Variants in TPST2 observed in about 807,000 individuals in gnomAD.
TPST2 encodes protein-tyrosine sulfotransferase 2.
A neutral mutation model predicts 27.8 loss-of-function variants in TPST2; 16 were observed. The observed-to-expected ratio is 0.58, with a 90% CI of 0.39 to 0.88. TPST2 has a LOEUF of 0.88. Ranked by LOEUF, TPST2 falls within the 40% of genes least tolerant of loss-of-function variation. The pLI is 0.00. For synonymous variants in TPST2, 229 were observed against 231.7 expected (o/e 0.99, Z 0.10); for missense variants, 464 against 543.1 (o/e 0.85, Z 1.45).
rs745544287 is a variant in TPST2, at chr22:26,541,769, C to T, written c.-88-51G>A. On this transcript the variant is annotated intron_variant, in intron 2 of 6. Coordinates refer to ENST00000338754, the MANE Select transcript of TPST2 (RefSeq NM_003595.5). The surrounding 1 kb of genome is among the most constrained non-coding windows in gnomAD (Gnocchi z 5.9). ...GTCAGGGAGGTCTGTGAGCTGTGAG[C>T]TCTCCAATAACTGCAAAGCCCTATA... The T allele has an allele frequency of 2.3e-5, 33 of 1,418,806 alleles. No individual in the cohort carries two copies. The highest frequency in any genetic ancestry group is 2.8e-5 in the Non-Finnish European group (30 of 1,086,748). 87.9% of individuals were successfully genotyped at this position (1,418,806 alleles called of 1,614,324 possible).
intron 1 of TPST2, among the ~76,000 whole-genome samples, chr22:26,576,210 C>T (rs1251289005): frequency 6.6e-6 from 1 of 152,086 alleles, no homozygotes; most frequent in Non-Finnish European, 1.5e-5. Context: ...GGCTCCACCC[C>T]ATATGCCTTG....
In TPST2 at chr22:26,522,900, T is replaced by G. The variant is rs1003995074; in HGVS notation, c.*3375A>C. 1 of 152,202 alleles carries G rather than the reference T, an allele frequency of 6.6e-6. No homozygotes were observed. Among genetic ancestry groups the G allele is most frequent in the African/African-American group, 2.4e-5 (1 of 41,394 alleles). 9.4% of individuals were successfully genotyped at this position (152,202 alleles called of 1,614,324 possible). ...GAGACCAGCCTGGGCAACATAGTGA[T>G]TCCCCTCTTTACAAAAAATAAAAAG... is the stretch of plus-strand genomic sequence containing the variant. On this transcript the variant is annotated 3_prime_UTR_variant, in exon 7 of 7. Coordinates refer to ENST00000338754, the MANE Select transcript of TPST2 (RefSeq NM_003595.5).
intron 1 of TPST2, chr22:26,561,214 T>G: frequency 6.5e-7 from 1 of 1,526,920 alleles, no homozygotes; most frequent in South Asian, 1.3e-5. Context: ...TTAACCCCCC[T>G]GTACACAACT....
rs1241810030 is a variant in TPST2 at position 26,528,360 on chromosome 22, T to G, written c.1093-98A>C. ...CCTCAGCATCACTGAGTCATGCACA[T>G]GCTTATTCACGTAGTATTTACTGTA... On this transcript the variant is annotated intron_variant, in intron 5 of 6. Coordinates refer to ENST00000338754, the MANE Select transcript of TPST2 (RefSeq NM_003595.5). 2.9e-6 allele frequency: 4 copies of G among 1,390,602 alleles called. No homozygotes were observed. The Admixed American group carries it at 5.9e-5, about 21-fold the overall frequency. 86.1% of individuals were successfully genotyped at this position (1,390,602 alleles called of 1,614,324 possible).
At chr22:26,558,036 G>A (rs1467765336) in intron 1 of TPST2, among the ~76,000 whole-genome samples, 1 of 149,472 alleles carries the variant, frequency 6.7e-6, no homozygotes, top group African/African-American at 2.4e-5. Context: ...GACAGAGGGA[G>A]ACTCCGTCTC....
chr22:26,549,725 G>A (rs16986651), intron 1 of TPST2, among the ~76,000 whole-genome samples: 3,420 of 149,460 alleles, frequency 0.023, 141 homozygotes, highest in African/African-American at 0.08. Context: ...AGAATCGGTT[G>A]TTGGAAACAG....
chr22:26,530,744 T>C (rs1925112106), intron 5 of TPST2, among the ~76,000 whole-genome samples: 1 of 151,998 alleles, frequency 6.6e-6, no homozygotes, highest in Non-Finnish European at 1.5e-5. Flanking sequence ...GAGCAGTGGC[T>C]CACGCCTGTA....
intron 5 of TPST2, among the ~76,000 whole-genome samples, chr22:26,532,441 C>T (rs1030282368): frequency 6.6e-5 from 10 of 152,130 alleles, no homozygotes; most frequent in African/African-American, 1.2e-4. Context: ...CCACTACGCC[C>T]GGATAATTTT....
In TPST2 at chr22:26,541,229, G is replaced by A. The variant is rs187643832; in HGVS notation, c.402C>T (p.Asp134=). The change falls in exon 3 of 7, where the codon GAC becomes GAT. Residue 134 remains aspartate, a synonymous_variant. Coordinates refer to ENST00000338754, the MANE Select transcript of TPST2 (RefSeq NM_003595.5). This position sits in a 1 kb window ranked among gnomAD's most constrained non-coding sequence, Gnocchi z 5.9. ...DEAGVTDEVL[D]AAMQAFILEV... is the part of the protein sequence containing the mutation. ...CCAGGATGAAGGCCTGCATGGCGGC[G>A]TCCAGCACCTCATCCGTCACCCCCG... 8.9e-5 allele frequency: 138 copies of A among 1,556,994 alleles called. 1 individual carries two copies. The highest frequency in any genetic ancestry group is 6.9e-4 in the Middle Eastern group (4 of 5,782).
In TPST2 at chr22:26,536,378, G is replaced by A. The variant is rs773149161; in HGVS notation, c.951C>T (p.Ala317=). Residue 317 remains alanine (A), a synonymous_variant, in exon 4 of 7, where the codon GCC becomes GCT. Transcript: ENST00000338754. ...GDVVRDMAQI[A]PMLAQLGYDP... ...CATAGCCGAGCTGAGCCAGCATGGG[G>A]GCGATCTGGGCCATGTCCCGCACCA... The A allele has an allele frequency of 2.5e-6, 4 of 1,608,210 alleles. No individual in the cohort carries two copies. Among genetic ancestry groups the A allele is most frequent in the Non-Finnish European group, 1.7e-6 (2 of 1,175,528 alleles).
intron 1 of TPST2, among the ~76,000 whole-genome samples, chr22:26,586,139 T>A (rs1162750274): frequency 1.3e-5 from 2 of 152,154 alleles, no homozygotes; most frequent in South Asian, 4.1e-4. Flanking sequence ...CTATGCCCAT[T>A]CCTCAGTAGG....
At chr22:26,576,738 A>C (rs745622315) in intron 1 of TPST2, among the ~76,000 whole-genome samples, 14 of 152,008 alleles carry the variant, frequency 9.2e-5, no homozygotes, top group Non-Finnish European at 1.9e-4. Context: ...TGGGAGGCTG[A>C]GGTGGGAGAA....
intron 1 of TPST2, among the ~76,000 whole-genome samples, chr22:26,576,805 T>TA (rs956189874): frequency 1.1e-4 from 17 of 149,370 alleles, no homozygotes; most frequent in East Asian, 9.8e-4. Flanking sequence ...ACCCTGTCTC[T>TA]AAAAAAAAAG....
In TPST2 at chr22:26,547,492, A is replaced by G. The variant is rs555600113; in HGVS notation, c.-160-2817T>C. ...GGCTTTCCATGCCCTACCTGGTTTC[A>G]TACTCACATCAGCCCAGTCAGGCAG... On this transcript the variant is annotated intron_variant, in intron 1 of 6. Coordinates refer to ENST00000338754, the MANE Select transcript of TPST2 (RefSeq NM_003595.5). 4 of 152,290 alleles carry G rather than the reference A, an allele frequency of 2.6e-5. No homozygotes were observed. In the East Asian group the frequency reaches 7.7e-4, roughly 29 times the overall value. The allele number at this position is 152,290 out of a possible 1,614,324, so 9.4% of individuals were successfully genotyped here. A position where few individuals can be genotyped will look rare whatever the true frequency, so the allele number is the denominator to read the frequency against.
rs150786989 is a variant in TPST2 at position 26,556,431 on chromosome 22, T to C, written c.-160-11756A>G. ...GGCAGCCACCTGTAATCCCAGCTAC[T>C]TGGGAGGCTGAAGCAGGTGAATCAC... On this transcript the variant is annotated intron_variant, in intron 1 of 6. Transcript: ENST00000338754. Among the ~76,000 whole-genome samples, 274 of 152,224 alleles carry C rather than the reference T, an allele frequency of 1.8e-3. 2 individuals carry two copies. The highest frequency in any genetic ancestry group is 5.9e-3 in the African/African-American group (244 of 41,520).
chr22:26,541,652 G>T lies in TPST2; in HGVS notation c.-22C>A, dbSNP rs931170711. 1.9e-6 allele frequency: 3 copies of T among 1,539,344 alleles called. No individual in the cohort carries two copies. In the East Asian group the frequency reaches 7.2e-5, roughly 37 times the overall value. Reference sequence around the variant, plus strand: ...GCATGCTGGGCCGGAGGCAGGGTAGGCCTGGCCTGAGGGCCCGCTTCTGGG... The same window carrying T: ...GCATGCTGGGCCGGAGGCAGGGTAGTCCTGGCCTGAGGGCCCGCTTCTGGG... On this transcript the variant is annotated 5_prime_UTR_variant, in exon 3 of 7. Transcript: ENST00000338754. The surrounding 1 kb of genome is among the most constrained non-coding windows in gnomAD (Gnocchi z 5.9).
chr22:26,536,338 G>A lies in TPST2; in HGVS notation c.991C>T (p.Pro331Ser), dbSNP rs781750742. The A allele has an allele frequency of 9.3e-6, 15 of 1,614,042 alleles. No homozygotes were observed. The highest frequency in any genetic ancestry group is 1.3e-5 in the African/African-American group (1 of 74,942). Residue 331 changes from proline to serine, a missense_variant, in exon 4 of 7, where the codon CCC becomes TCC. By Grantham distance (74) the Pro-to-Ser change is moderately conservative (BLOSUM62 -1). Transcript: ENST00000338754. ...GGGTCAGGGTTGCCATAGTTGGGGG[G>A]GTTTGCATAAGGGTCATAGCCGAGC... ...AQLGYDPYAN[P>S]PNYGNPDPFV...
chr22:26,531,436 T>C (rs1479861197), intron 5 of TPST2, among the ~76,000 whole-genome samples: 10 of 152,142 alleles, frequency 6.6e-5, no homozygotes, highest in Admixed American at 6.6e-5. Context: ...GTAAATCACA[T>C]TGGGGTAGAA....
At chr22:26,579,752 T>C (rs1249936416) in intron 1 of TPST2, among the ~76,000 whole-genome samples, 2 of 151,240 alleles carry the variant, frequency 1.3e-5, no homozygotes, top group African/African-American at 2.4e-5. Flanking sequence ...GTGGTGCAGA[T>C]TGGGGCGGAA....
Sources: allele counts gnomAD v4.1 joint callset (sites outside exome capture counted in the v4.1 genomes callset), GRCh38; gene constraint gnomAD v4.1.1; non-coding constraint Gnocchi (gnomAD v3.1); transcripts MANE v1.5; gene names NCBI Gene and HGNC (gene_info 2026-07-23, HGNC 2026-07-21).